The following MACROD2 variants were observed in gnomAD, a reference collection of about 807,000 sequenced individuals.
The protein encoded by MACROD2 is ADP-ribose glycohydrolase MACROD2.
In MACROD2, 36 loss-of-function variants were observed where a neutral mutation model predicts 70.4. The observed-to-expected ratio is 0.51, with a 90% CI of 0.39 to 0.68. The LOEUF (loss-of-function observed/expected upper bound fraction) is 0.68, where lower values mean the gene tolerates loss of function less well. Among genes scored for constraint, MACROD2 ranks in the 30% least tolerant of loss-of-function variants. The pLI is 0.00. For missense variants in MACROD2, 496 were observed against 538.4 expected (o/e 0.92, Z 0.78); for synonymous variants, 172 against 178.8 (o/e 0.96, Z 0.30).
intron 8 of MACROD2, among the ~76,000 whole-genome samples, chr20:15,718,018 CTTTT>C (rs11087142): frequency 5.0e-5 from 7 of 140,398 alleles, no homozygotes; most frequent in Admixed American, 2.8e-4. Flanking sequence ...TGTTTTCTCT[CTTTT>C]TTTTTTTTTT....
At chr20:14,207,316 G>A (rs1432111560) in intron 3 of MACROD2, among the ~76,000 whole-genome samples, 2 of 152,058 alleles carry the variant, frequency 1.3e-5, no homozygotes, top group East Asian at 3.9e-4. Context: ...TGGCCAGGAT[G>A]GTCTCGATCT....
At chr20:14,298,359 G>A (rs6079384) in intron 3 of MACROD2, among the ~76,000 whole-genome samples, 1 of 151,756 alleles carries the variant, frequency 6.6e-6, no homozygotes, top group Non-Finnish European at 1.5e-5. Flanking sequence ...CCTGAGGTCA[G>A]GAGTTCGAGA....
At chr20:15,901,384 G>A (rs1184784920) in intron 10 of MACROD2, among the ~76,000 whole-genome samples, 1 of 152,040 alleles carries the variant, frequency 6.6e-6, no homozygotes, top group Non-Finnish European at 1.5e-5. Context: ...GAAATCTTTG[G>A]TTTTGAATTT....
At chr20:15,051,503 C>T (rs975133588) in intron 5 of MACROD2, among the ~76,000 whole-genome samples, 2 of 151,978 alleles carry the variant, frequency 1.3e-5, no homozygotes, top group African/African-American at 4.8e-5. Flanking sequence ...TGGCCGAAGC[C>T]GCAGTCTACA....
At chr20:15,499,685 A>G in intron 7 of MACROD2, 89 bp from the exon 8 acceptor site, 1 of 1,160,982 alleles carries the variant, frequency 8.6e-7, no homozygotes. Flanking sequence ...TGTTGTTTAA[A>G]TGAGAAAACT....
chr20:14,096,166 G>C (rs1569157028), intron 3 of MACROD2, among the ~76,000 whole-genome samples: 2 of 152,116 alleles, frequency 1.3e-5, no homozygotes, highest in African/African-American at 4.8e-5. Flanking sequence ...TCCACGTACA[G>C]ATGGATTCTC....
intron 3 of MACROD2, among the ~76,000 whole-genome samples, chr20:14,236,204 T>C (rs535235116): frequency 6.6e-6 from 1 of 152,152 alleles, no homozygotes; most frequent in East Asian, 1.9e-4. Flanking sequence ...ATAATTTCAA[T>C]GTCAAGATGC....
At chr20:14,325,782 A>C (rs1000722305) in intron 3 of MACROD2, 1 of 1,613,806 alleles carries the variant, frequency 6.2e-7, no homozygotes, top group Non-Finnish European at 8.5e-7. Flanking sequence ...CAGCTTCTGC[A>C]TAGTCATCCT....
At chr20:14,901,318 A>C (rs1375850354) in intron 5 of MACROD2, among the ~76,000 whole-genome samples, 1 of 152,084 alleles carries the variant, frequency 6.6e-6, no homozygotes, top group Non-Finnish European at 1.5e-5. Context: ...AATTCAAAAC[A>C]GTTGTTTTCA....
intron 4 of MACROD2, among the ~76,000 whole-genome samples, chr20:14,536,656 T>TGA (rs35383504): frequency 0.023 from 3,343 of 147,330 alleles, 65 homozygotes; most frequent in African/African-American, 0.045. Context: ...TGTGTGTGTG[T>TGA]GTGTGTGCAT....
intron 7 of MACROD2, among the ~76,000 whole-genome samples, chr20:15,450,438 T>G (rs1329744741): frequency 6.6e-6 from 1 of 152,110 alleles, no homozygotes; most frequent in Non-Finnish European, 1.5e-5. Context: ...AAGGTAATTT[T>G]TTATGATTAC....
chr20:14,331,395 C>T (rs2082835673), intron 3 of MACROD2, among the ~76,000 whole-genome samples: 2 of 152,070 alleles, frequency 1.3e-5, no homozygotes, highest in African/African-American at 4.8e-5. Context: ...TTTCTCTATT[C>T]TGTTTGATAT....
chr20:15,315,344 G>A (rs558865836), intron 6 of MACROD2, among the ~76,000 whole-genome samples: 2 of 152,232 alleles, frequency 1.3e-5, no homozygotes, highest in African/African-American at 2.4e-5. Flanking sequence ...CATATAAGAA[G>A]CTCAATGAAT....
chr20:14,313,870 G>A (rs1400539889), intron 3 of MACROD2, among the ~76,000 whole-genome samples: 4 of 152,182 alleles, frequency 2.6e-5, no homozygotes, highest in Non-Finnish European at 5.9e-5. Context: ...TAGAAAGAAG[G>A]AGCCTGGATT....
chr20:14,353,576 G>T (rs1254599164), intron 3 of MACROD2, among the ~76,000 whole-genome samples: 1 of 152,022 alleles, frequency 6.6e-6, no homozygotes, highest in Non-Finnish European at 1.5e-5. Flanking sequence ...AATTTAAAGT[G>T]GCTTAAATAA....
intron 5 of MACROD2, among the ~76,000 whole-genome samples, chr20:15,180,581 A>G (rs890053946): frequency 1.3e-5 from 2 of 152,192 alleles, no homozygotes; most frequent in Admixed American, 6.5e-5. Context: ...GGGCCTTTGC[A>G]TGCACCGTGC....
intron 12 of MACROD2, among the ~76,000 whole-genome samples, chr20:15,955,466 C>T (rs1568665691): frequency 6.6e-6 from 1 of 152,126 alleles, no homozygotes. Flanking sequence ...GTCTTCTTCC[C>T]AGCCATTTCT....
chr20:14,260,211 A>G (rs1304722462), intron 3 of MACROD2, among the ~76,000 whole-genome samples: 1 of 152,182 alleles, frequency 6.6e-6, no homozygotes, highest in Admixed American at 6.5e-5. Flanking sequence ...ATGAGTACAT[A>G]TGTGTTTGTA....
chr20:14,163,302 G>A (rs536333268), intron 3 of MACROD2, among the ~76,000 whole-genome samples: 1 of 152,214 alleles, frequency 6.6e-6, no homozygotes, highest in African/African-American at 2.4e-5. Flanking sequence ...TAAGCTTTCT[G>A]TGGAGAAATC....
Sources: allele counts gnomAD v4.1 joint callset (sites outside exome capture counted in the v4.1 genomes callset), GRCh38; gene constraint gnomAD v4.1.1; transcripts MANE v1.5; gene names NCBI Gene and HGNC (gene_info 2026-07-23, HGNC 2026-07-21).